CYP4F8: variants seen among roughly 807,000 people sequenced by gnomAD.
CYP4F8 encodes cytochrome P450 4F8.
A neutral mutation model predicts 55.0 loss-of-function variants in CYP4F8; 56 were observed. The ratio of observed to expected loss-of-function variants is 1.02; its 90% CI spans 0.82 to 1.27. The LOEUF (loss-of-function observed/expected upper bound fraction) is 1.27. CYP4F8 is among the 50% of genes most tolerant of loss of function. The pLI is 0.00. For synonymous variants in CYP4F8, 288 were observed against 267.3 expected (o/e 1.08, Z -0.76); for missense variants, 680 against 682.4 (o/e 1.00, Z 0.04).
At chr19:15,626,545 T>C (rs1191632001) in intron 9 of CYP4F8, among the ~76,000 whole-genome samples, 6 of 152,228 alleles carry the variant, frequency 3.9e-5, no homozygotes, top group South Asian at 2.1e-4. Flanking sequence ...TCACTTGGGT[T>C]ACCTGTTCGT....
chr19:15,615,486 G>A, intron 1 of CYP4F8, 130 bp from the exon 2 acceptor site: 1 of 1,067,112 alleles, frequency 9.4e-7, no homozygotes, highest in South Asian at 1.7e-5. Context: ...CTCTCCCTTG[G>A]CCTCTTCCCC....
intron 5 of CYP4F8, among the ~76,000 whole-genome samples, chr19:15,621,392 G>T (rs906440335): frequency 6.6e-6 from 1 of 152,148 alleles, no homozygotes; most frequent in East Asian, 1.9e-4. Flanking sequence ...AGGGCGTGGT[G>T]GTGCGTGCCT....
chr19:15,623,882 T>C, intron 8 of CYP4F8, 83 bp from the exon 9 acceptor site: 5 of 1,596,356 alleles, frequency 3.1e-6, no homozygotes, highest in East Asian at 2.2e-5. Context: ...TCAACCTTCC[T>C]GAGAGCCTCA....
At chr19:15,623,001 A>T (rs1179885317) in intron 6 of CYP4F8, 104 bp from the exon 7 acceptor site, 2 of 1,336,410 alleles carry the variant, frequency 1.5e-6, no homozygotes, top group East Asian at 5.0e-5. Context: ...CTTGCAGGAC[A>T]CCCCTTTCTG....
At chr19:15,620,460 G>C (rs1972179273) in intron 5 of CYP4F8, among the ~76,000 whole-genome samples, 1 of 152,090 alleles carries the variant, frequency 6.6e-6, no homozygotes, top group Non-Finnish European at 1.5e-5. Flanking sequence ...GTGCAGTGGT[G>C]CGATCTTGGC....
intron 10 of CYP4F8, 34 bp downstream of exon 10, chr19:15,628,469 CAG>C (rs1972291162): frequency 6.2e-7 from 1 of 1,613,430 alleles, no homozygotes; most frequent in Admixed American, 1.7e-5. Flanking sequence ...GGGTCCTGGG[CAG>C]GGCGGTGGTC....
At chr19:15,622,372 G>T in intron 6 of CYP4F8, 32 bp downstream of exon 6, 1 of 1,230,090 alleles carries the variant, frequency 8.1e-7, no homozygotes, top group Non-Finnish European at 1.1e-6. Context: ...GGGAACATGG[G>T]ATGGAGTGGG....
chr19:15,624,157 T>A, intron 9 of CYP4F8, 63 bp downstream of exon 9: 1 of 1,583,364 alleles, frequency 6.3e-7, no homozygotes, highest in Non-Finnish European at 8.6e-7. Flanking sequence ...TTGGTTCTTC[T>A]CCCCAGGTGG....
chr19:15,616,042 G>A (rs36190528), intron 2 of CYP4F8, among the ~76,000 whole-genome samples: 1 of 74,950 alleles, frequency 1.3e-5, no homozygotes, highest in South Asian at 4.7e-4. Flanking sequence ...ATTCCTCTGC[G>A]CACTCACTCA....
chr19:15,618,167 G>T, intron 3 of CYP4F8, 23 bp downstream of exon 3: 5 of 1,613,998 alleles, frequency 3.1e-6, no homozygotes, highest in Non-Finnish European at 4.2e-6. Context: ...AGCTTGTGGT[G>T]GTGGGCACAG....
intron 5 of CYP4F8, among the ~76,000 whole-genome samples, chr19:15,620,324 C>T (rs967911633): frequency 3.9e-5 from 6 of 152,112 alleles, no homozygotes; most frequent in African/African-American, 1.4e-4. Flanking sequence ...TAGATGACAC[C>T]CCAGGATTGC....
chr19:15,618,305 A>G (rs1972150406), intron 3 of CYP4F8, 161 bp downstream of exon 3: 3 of 1,095,172 alleles, frequency 2.7e-6, no homozygotes, highest in African/African-American at 1.5e-5. Context: ...ACCAACCCCA[A>G]CCTCAGTGTC....
intron 5 of CYP4F8, 86 bp downstream of exon 5, chr19:15,619,848 G>A: frequency 6.6e-7 from 1 of 1,523,820 alleles, no homozygotes; most frequent in Non-Finnish European, 8.9e-7. Flanking sequence ...GGCTCTCCTG[G>A]GTGGGTTTGG....
chr19:15,624,379 G>A (rs1972236690), intron 9 of CYP4F8, among the ~76,000 whole-genome samples: 2 of 152,200 alleles, frequency 1.3e-5, no homozygotes, highest in Non-Finnish European at 2.9e-5. Flanking sequence ...TAAATTGGGG[G>A]TGTGGGGAAT....
chr19:15,617,758 A>C (rs901010643), intron 2 of CYP4F8, among the ~76,000 whole-genome samples: 1 of 152,200 alleles, frequency 6.6e-6, no homozygotes, highest in East Asian at 1.9e-4. Context: ...TCTCAGCTGC[A>C]GAGGAGAAAA....
rs1293564028 is a variant in CYP4F8 at position 15,629,484 on chromosome 19, C to A, written c.*126C>A. ...AGTCCCGCGGATGGCCAGTAGGGGG[C>A]GCTGGAGGACTGCGGGGATCTAGGG... is the stretch of plus-strand genomic sequence containing the variant. On this transcript the variant is annotated 3_prime_UTR_variant, in exon 13 of 13. Coordinates refer to ENST00000612078, the MANE Select transcript of CYP4F8 (RefSeq NM_007253.4). The A allele has an allele frequency of 3.1e-6, 4 of 1,310,692 alleles. No individual in the cohort carries two copies. Among genetic ancestry groups the A allele is most frequent in the South Asian group, 1.6e-5 (1 of 63,240 alleles). 81.2% of individuals were successfully genotyped at this position (1,310,692 alleles called of 1,614,324 possible). A position where few individuals can be genotyped will look rare whatever the true frequency, so the allele number is the denominator to read the frequency against.
rs138954598 is a variant in CYP4F8, at chr19:15,625,295, T to C, written c.1115+1201T>C. 3.2e-3 allele frequency among the ~76,000 whole-genome samples: 477 copies of C among 150,550 alleles called. 3 individuals are homozygous for C. Among genetic ancestry groups the C allele is most frequent in the African/African-American group, 0.011 (457 of 41,292 alleles). ...ATATTTTGTCCTTGTGTCATGATTC[T>C]AAATAACAACAAATTCACAAGAAAC... On this transcript the variant is annotated intron_variant, in intron 9 of 12. Coordinates refer to ENST00000612078, the MANE Select transcript of CYP4F8 (RefSeq NM_007253.4).
rs1235542657 is a variant in CYP4F8 at position 15,623,506 on chromosome 19, T to C, written c.918+131T>C. ...GGTGCTCGAAGAAGGGAGGGACAAG[T>C]CAGATAAATTTTAGAGGTGATTGCA... is the stretch of plus-strand genomic sequence containing the variant. On this transcript the variant is annotated intron_variant, in intron 7 of 12. Coordinates refer to ENST00000612078, the MANE Select transcript of CYP4F8 (RefSeq NM_007253.4). The C allele has an allele frequency of 2.8e-6, 4 of 1,410,050 alleles. No individual in the cohort carries two copies. In the African/African-American group the frequency reaches 6.7e-5, roughly 24 times the overall value. 87.3% of individuals were successfully genotyped at this position (1,410,050 alleles called of 1,614,324 possible). A position where few individuals can be genotyped will look rare whatever the true frequency, so the allele number is the denominator to read the frequency against.
chr19:15,625,204 C>T (rs1488745377), intron 9 of CYP4F8, among the ~76,000 whole-genome samples: 1 of 151,020 alleles, frequency 6.6e-6, no homozygotes, highest in Non-Finnish European at 1.5e-5. Context: ...AAATTTTTCC[C>T]TTTGAAATCT....
Sources: gnomAD v4.1 joint callset for allele counts (sites outside exome capture counted in the v4.1 genomes callset) on GRCh38, gnomAD v4.1.1 for gene constraint, MANE v1.5 for transcripts, NCBI Gene and HGNC (gene_info 2026-07-23, HGNC 2026-07-21) for gene names.